Variants in CLDN14 observed in about 807,000 individuals in gnomAD.
CLDN14 encodes the protein claudin 14, also known as claudin-14.
Under a neutral mutation model 2.1 loss-of-function variants are expected in CLDN14, and 2 were observed. That is an observed-to-expected ratio of 0.96 (90% CI 0.39 to 3.01). CLDN14 has a LOEUF of 3.01. Among genes scored for constraint, CLDN14 ranks in the 30% most tolerant of loss-of-function variants. The probability of loss-of-function intolerance (pLI) is 0.09; values close to 1 mark genes in which losing one functional copy is unlikely to be tolerated. For synonymous variants in CLDN14, 136 were observed against 154.4 expected, an observed-to-expected ratio of 0.88 and a Z score of 0.88; for missense variants, 298 against 328.0, an observed-to-expected ratio of 0.91 and a Z score of 0.71.
At chr21:36,478,190 T>A (rs1053317794) in intron 1 of CLDN14, among the ~76,000 whole-genome samples, 1 of 152,268 alleles carries the variant, frequency 6.6e-6, no homozygotes, top group African/African-American at 2.4e-5. Context: ...AGGAAGAATC[T>A]ACGTGTCTTC....
At position 36,461,129 on chromosome 21, in the gene CLDN14, T is replaced by C; in HGVS notation, c.567A>G (p.Ala189=). ...GCGGGGCCTGGTAGGGCCTGTAGGG[T>C]GCCTCGTCCTGGCAGGACAGGCAAA... ...TLLCLSCQDE[A]PYRPYQAPPR... The change falls in exon 2 of 2, where the codon GCA becomes GCG. Residue 189 remains alanine (A), a synonymous_variant. Transcript: ENST00000399135. 2 of 1,613,830 alleles carry C rather than the reference T, an allele frequency of 1.2e-6. No individual in the cohort carries two copies. Among genetic ancestry groups the C allele is most frequent in the Non-Finnish European group, 1.7e-6 (2 of 1,179,822 alleles).
intron 1 of CLDN14, among the ~76,000 whole-genome samples, chr21:36,575,875 G>T (rs760745738): frequency 6.6e-6 from 1 of 152,170 alleles, no homozygotes; most frequent in Non-Finnish European, 1.5e-5. Context: ...CCCTGTATAC[G>T]ACCTCTTTAG....
chr21:36,560,562 T>C (rs1165802186), intron 1 of CLDN14, among the ~76,000 whole-genome samples: 1 of 152,212 alleles, frequency 6.6e-6, no homozygotes, highest in Non-Finnish European at 1.5e-5. Flanking sequence ...GATTTTTGCA[T>C]GTTGAACCGT....
chr21:36,502,002 C>A (rs1179873477), intron 2 of CLDN14, among the ~76,000 whole-genome samples: 2 of 151,778 alleles, frequency 1.3e-5, no homozygotes, highest in Non-Finnish European at 2.9e-5. Context: ...AGTGCCCAAA[C>A]CCTGCACACT....
At chr21:36,466,123 A>G (rs219763) in intron 1 of CLDN14, among the ~76,000 whole-genome samples, 53,871 of 151,972 alleles carry the variant, frequency 0.35, 10,225 homozygotes, top group African/African-American at 0.49. Flanking sequence ...AAACGTGTCA[A>G]TGTGCATCGT....
At chr21:36,461,983 G>A (rs542574660) in intron 1 of CLDN14, among the ~76,000 whole-genome samples, 10 of 152,316 alleles carry the variant, frequency 6.6e-5, no homozygotes, top group African/African-American at 2.2e-4. Context: ...GATGACAGCC[G>A]GACGCTGGCC....
chr21:36,483,679 G>A, upstream of CLDN14, among the ~76,000 whole-genome samples: 1 of 152,354 alleles, frequency 6.6e-6, no homozygotes, highest in East Asian at 1.9e-4. Flanking sequence ...ATGTAGCTGT[G>A]TGAGTTGATG....
chr21:36,555,499 C>T (rs1287372017), intron 1 of CLDN14, among the ~76,000 whole-genome samples: 1 of 152,208 alleles, frequency 6.6e-6, no homozygotes, highest in Non-Finnish European at 1.5e-5. Context: ...TCTCAACGTT[C>T]AAATGTTTCC....
intron 2 of CLDN14, among the ~76,000 whole-genome samples, chr21:36,497,183 AAGGGAGGGAAGGAGGGAGGGAGGAAGGG>A (rs2087035670): frequency 1.0e-3 from 1 of 970 alleles, no homozygotes; most frequent in Middle Eastern, 0.5. Context: ...GGGAGGGAGG[AAGGGAGGGAAGGAGGGAGGGAGGAAGGG>A]AGGGAGGAAG....
chr21:36,500,367 G>A (rs969096693), intron 2 of CLDN14, among the ~76,000 whole-genome samples: 2 of 152,290 alleles, frequency 1.3e-5, no homozygotes, highest in South Asian at 2.1e-4. Flanking sequence ...GACACGTCCC[G>A]CTGACCAACC....
chr21:36,472,437 A>T (rs988487537), intron 1 of CLDN14, among the ~76,000 whole-genome samples: 1 of 152,178 alleles, frequency 6.6e-6, no homozygotes, highest in East Asian at 1.9e-4. Context: ...GTGATGATCA[A>T]TTTTTTGTGT....
At chr21:36,575,794 G>A (rs2087737603) in intron 1 of CLDN14, among the ~76,000 whole-genome samples, 1 of 152,156 alleles carries the variant, frequency 6.6e-6, no homozygotes, top group Non-Finnish European at 1.5e-5. Flanking sequence ...ACTACCTAGA[G>A]GAAGAAGCCT....
intron 1 of CLDN14, among the ~76,000 whole-genome samples, chr21:36,575,510 C>T (rs544391657): frequency 3.7e-4 from 56 of 152,168 alleles, no homozygotes; most frequent in Non-Finnish European, 7.5e-4. Context: ...TCTCAGAATC[C>T]ATGTCTTTGT....
chr21:36,487,166 G>C (rs534093433), intron 2 of CLDN14: 8 of 211,072 alleles, frequency 3.8e-5, no homozygotes, highest in Admixed American at 2.2e-4. Context: ...TGTATTTTTA[G>C]TAGGGACGGG....
intron 2 of CLDN14, chr21:36,485,962 A>G (rs776946363): frequency 6.2e-5 from 86 of 1,395,614 alleles, no homozygotes; most frequent in Non-Finnish European, 8.2e-5. Context: ...GAGCAGGCTC[A>G]GCTACCCTTT....
At chr21:36,531,440 T>A (rs1006119568) in intron 1 of CLDN14, among the ~76,000 whole-genome samples, 6 of 151,868 alleles carry the variant, frequency 4.0e-5, no homozygotes, top group African/African-American at 1.5e-4. Context: ...AATTTTTGTA[T>A]TTTTAGTACA....
chr21:36,468,621 CAG>C (rs57979644), intron 1 of CLDN14, among the ~76,000 whole-genome samples: 54,654 of 151,832 alleles, frequency 0.36, 10,700 homozygotes, highest in African/African-American at 0.52. Flanking sequence ...AAAATAAACT[CAG>C]GGGAGATTTG....
chr21:36,486,055 G>C lies in CLDN14; in HGVS notation c.-81-24279C>G, dbSNP rs770082934. The C allele has an allele frequency of 2.8e-6, 4 of 1,412,606 alleles. No homozygotes were observed. The African/African-American group carries it at 4.3e-5, about 15-fold the overall frequency. The allele number at this position is 1,412,606 out of a possible 1,614,324, so 87.5% of individuals were successfully genotyped here. On this transcript the variant is annotated intron_variant, in intron 2 of 2. Transcript: ENST00000342108. ...CCTGGCAGGCCAGGGAGCCCACAGC[G>C]TTTCAAATGGCTTCATTGTTGGGAT...
chr21:36,519,733 C>CAACAAA (rs1555851018), intron 1 of CLDN14, among the ~76,000 whole-genome samples: 18 of 150,770 alleles, frequency 1.2e-4, no homozygotes, highest in Admixed American at 2.6e-4. Context: ...ACAACAACAA[C>CAACAAA]AAAACCCCAA....
Sources: allele counts gnomAD v4.1 joint callset (sites outside exome capture counted in the v4.1 genomes callset), GRCh38; gene constraint gnomAD v4.1.1; transcripts MANE v1.5; gene names NCBI Gene and HGNC (gene_info 2026-07-23, HGNC 2026-07-21).